The following SGCZ variants were observed in gnomAD, a reference collection of about 807,000 sequenced individuals.
SGCZ encodes sarcoglycan zeta.
Under a neutral mutation model 41.3 loss-of-function variants are expected in SGCZ, and 40 were observed. The observed-to-expected ratio is 0.97, with a 90% CI of 0.75 to 1.26. The LOEUF (loss-of-function observed/expected upper bound fraction) is 1.26, where lower values mean the gene tolerates loss of function less well. Ranked by LOEUF, SGCZ falls within the 50% of genes most tolerant of loss-of-function variation. SGCZ has a pLI of 0.00. For missense variants in SGCZ, 552 were observed against 369.8 expected, an observed-to-expected ratio of 1.49 and a Z score of -4.04; for synonymous variants, 206 against 137.5, an observed-to-expected ratio of 1.50 and a Z score of -3.49.
At chr8:14,904,336 T>G (rs570326436) in intron 1 of SGCZ, among the ~76,000 whole-genome samples, 122 of 152,172 alleles carry the variant, frequency 8.0e-4, no homozygotes, top group Non-Finnish European at 1.5e-3. Flanking sequence ...GGTATAAATA[T>G]CAATGTAATT....
At position 14,170,905 on chromosome 8, in the gene SGCZ, T is replaced by A. The variant is rs188635288; in HGVS notation, c.425-6203A>T. Reference sequence around the variant, plus strand: ...GAATACTTAAGGAATGAAAGGAGATTGTGATTAACTGCATTTCAGGTCATT... The same window carrying A: ...GAATACTTAAGGAATGAAAGGAGATAGTGATTAACTGCATTTCAGGTCATT... On this transcript the variant is annotated intron_variant, in intron 4 of 7. Transcript: ENST00000382080. 2.6e-5 allele frequency among the ~76,000 whole-genome samples: 4 copies of A among 152,180 alleles called. No homozygotes were observed. The East Asian group carries it at 7.7e-4, about 29-fold the overall frequency.
At chr8:14,624,114 C>T (rs1806371066) in intron 1 of SGCZ, among the ~76,000 whole-genome samples, 1 of 152,116 alleles carries the variant, frequency 6.6e-6, no homozygotes, top group Admixed American at 6.6e-5. Context: ...CCTCTGTCGT[C>T]CTTAAAAGAT....
intron 1 of SGCZ, among the ~76,000 whole-genome samples, chr8:15,161,655 G>A (rs966247842): frequency 6.6e-6 from 1 of 152,148 alleles, no homozygotes; most frequent in Non-Finnish European, 1.5e-5. Context: ...GTAAAAAGTA[G>A]AAACCAAAAA....
intron 1 of SGCZ, among the ~76,000 whole-genome samples, chr8:15,097,779 TAC>T (rs1305828871): frequency 2.4e-5 from 3 of 124,128 alleles, no homozygotes; most frequent in Non-Finnish European, 5.1e-5. Context: ...TATATATATA[TAC>T]GTGTATATAT....
chr8:14,757,710 A>C (rs1799724168), intron 1 of SGCZ, among the ~76,000 whole-genome samples: 1 of 152,200 alleles, frequency 6.6e-6, no homozygotes, highest in African/African-American at 2.4e-5. Context: ...TGACCTTCCA[A>C]ATCGAATCAG....
At chr8:15,125,487 C>T (rs1444136420) in intron 1 of SGCZ, among the ~76,000 whole-genome samples, 1 of 152,142 alleles carries the variant, frequency 6.6e-6, no homozygotes, top group African/African-American at 2.4e-5. Context: ...TCTGATCCTT[C>T]CAAAGAGAAA....
At chr8:14,190,843 C>T (rs1454428237) in intron 4 of SGCZ, among the ~76,000 whole-genome samples, 1 of 152,064 alleles carries the variant, frequency 6.6e-6, no homozygotes, top group Non-Finnish European at 1.5e-5. Flanking sequence ...ACCTTGTGAT[C>T]CACCCGCCTC....
At chr8:14,452,019 T>C (rs1466067752) in intron 2 of SGCZ, among the ~76,000 whole-genome samples, 1 of 152,228 alleles carries the variant, frequency 6.6e-6, no homozygotes, top group African/African-American at 2.4e-5. Flanking sequence ...CTACATAAAA[T>C]CATGCACATG....
chr8:14,113,762 C>T (rs1469072331), intron 5 of SGCZ, among the ~76,000 whole-genome samples: 1 of 152,046 alleles, frequency 6.6e-6, no homozygotes, highest in Non-Finnish European at 1.5e-5. Flanking sequence ...GTAACTCTCA[C>T]TTAAAATATT....
chr8:14,373,241 C>T (rs190132991), intron 2 of SGCZ, among the ~76,000 whole-genome samples: 6 of 152,204 alleles, frequency 3.9e-5, no homozygotes, highest in East Asian at 3.9e-4. Context: ...GGCAAAAGAC[C>T]GTTGGCATTC....
chr8:14,725,362 G>C (rs1204647396), intron 1 of SGCZ, among the ~76,000 whole-genome samples: 1 of 152,106 alleles, frequency 6.6e-6, no homozygotes, highest in Non-Finnish European at 1.5e-5. Context: ...GAGTGAAATT[G>C]CTGGATCATA....
intron 1 of SGCZ, among the ~76,000 whole-genome samples, chr8:15,086,972 G>A (rs2131055362): frequency 6.6e-6 from 1 of 151,954 alleles, no homozygotes; most frequent in East Asian, 1.9e-4. Flanking sequence ...TGATTAATCA[G>A]CTCATCTTCT....
At chr8:15,068,882 C>T (rs1232439901) in intron 1 of SGCZ, among the ~76,000 whole-genome samples, 1 of 152,170 alleles carries the variant, frequency 6.6e-6, no homozygotes, top group African/African-American at 2.4e-5. Flanking sequence ...TCCAACATTT[C>T]TGTATAGTAT....
intron 1 of SGCZ, among the ~76,000 whole-genome samples, chr8:14,766,727 A>ATTTTTT (rs33955290): frequency 5.4e-5 from 5 of 92,782 alleles, no homozygotes; most frequent in Non-Finnish European, 6.0e-5. Flanking sequence ...ATGTCCAGCT[A>ATTTTTT]TTTTTTTTTT....
chr8:14,368,475 A>C (rs1392980653), intron 2 of SGCZ, among the ~76,000 whole-genome samples: 1 of 152,106 alleles, frequency 6.6e-6, no homozygotes, highest in Non-Finnish European at 1.5e-5. Context: ...CTTATAATTA[A>C]TCAGCTTAAG....
At chr8:14,137,185 G>C (rs1157580418) in intron 5 of SGCZ, among the ~76,000 whole-genome samples, 1 of 152,154 alleles carries the variant, frequency 6.6e-6, no homozygotes, top group East Asian at 1.9e-4. Context: ...CATCATTAAA[G>C]ACCAAAGGTA....
At chr8:14,932,245 T>C (rs1799941853) in intron 1 of SGCZ, among the ~76,000 whole-genome samples, 2 of 152,106 alleles carry the variant, frequency 1.3e-5, no homozygotes, top group East Asian at 1.9e-4. Context: ...TGCTTAGATT[T>C]TGAAAGTTTC....
At chr8:14,494,703 T>C (rs185030781) in intron 2 of SGCZ, among the ~76,000 whole-genome samples, 123 of 152,298 alleles carry the variant, frequency 8.1e-4, no homozygotes, top group African/African-American at 2.8e-3. Context: ...TGCTGAAAGA[T>C]AGAAGATCAG....
At chr8:14,512,491 C>T (rs1802493989) in intron 2 of SGCZ, among the ~76,000 whole-genome samples, 2 of 152,094 alleles carry the variant, frequency 1.3e-5, no homozygotes, top group Admixed American at 6.6e-5. Flanking sequence ...GACAAGATCT[C>T]GCTCTGTTGC....
Sources: allele counts gnomAD v4.1 joint callset (sites outside exome capture counted in the v4.1 genomes callset), GRCh38; gene constraint gnomAD v4.1.1; transcripts MANE v1.5; gene names NCBI Gene and HGNC (gene_info 2026-07-23, HGNC 2026-07-21).